SLC29A1: variants seen among roughly 807,000 people sequenced by gnomAD.
SLC29A1 encodes equilibrative nucleoside transporter 1.
In SLC29A1, 22 loss-of-function variants were observed where a neutral mutation model predicts 48.3. That is an observed-to-expected ratio of 0.46 (90% CI 0.33 to 0.65). SLC29A1 has a LOEUF of 0.65. SLC29A1 is among the 30% of genes least tolerant of loss of function. SLC29A1 has a pLI of 0.03. For missense variants in SLC29A1, 491 were observed against 575.3 expected, an observed-to-expected ratio of 0.85 and a Z score of 1.50; for synonymous variants, 228 against 231.0, an observed-to-expected ratio of 0.99 and a Z score of 0.12.
Position 44,233,515 on chromosome 6 carries a change from G to C in SLC29A1, c.1358G>C (p.Arg453Pro), listed in dbSNP as rs370351994. ...ALGAVFSFLF[R>P]AIV ...GGGGCTGTTTTCTCCTTCCTGTTCC[G>C]GGCAATTGTGTGACAAAGGATGGAC... The change falls in exon 13 of 13, where the codon CGG becomes CCG. Residue 453 changes from arginine (R) to proline (P), a missense_variant. Coordinates refer to ENST00000371755, the MANE Select transcript of SLC29A1 (RefSeq NM_001372327.1). 2 of 1,613,618 alleles carry C rather than the reference G, an allele frequency of 1.2e-6. No individual in the cohort carries two copies. The highest frequency in any genetic ancestry group is 1.7e-6 in the Non-Finnish European group (2 of 1,179,544).
Position 44,231,437 on chromosome 6 carries a change from C to T in SLC29A1, c.840C>T (p.His280=), listed in dbSNP as rs1008446994. The change falls in exon 9 of 13, where the codon CAC becomes CAT. Residue 280 remains histidine (H), a synonymous_variant. Coordinates refer to ENST00000371755, the MANE Select transcript of SLC29A1 (RefSeq NM_001372327.1). Reference sequence around the variant, plus strand: ...ACTCTCAGCCCACCAATGAAAGCCACTCTATCAAAGCCATCCTGAAAAATG... The same window carrying T: ...ACTCTCAGCCCACCAATGAAAGCCATTCTATCAAAGCCATCCTGAAAAATG... ...VSNSQPTNES[H]SIKAILKNIS... The T allele has an allele frequency of 1.9e-6, 3 of 1,606,448 alleles. No individual in the cohort carries two copies. Among genetic ancestry groups the T allele is most frequent in the Admixed American group, 3.4e-5 (2 of 59,444 alleles).
At chr6:44,221,735 A>G (rs748553648), upstream of SLC29A1, 1 of 981,666 alleles carries the variant, frequency 1.0e-6, no homozygotes, top group South Asian at 1.3e-5. This position sits in a 1 kb window ranked among gnomAD's most constrained non-coding sequence, Gnocchi z 4.2. Flanking sequence ...GCACCCAGCA[A>G]CCTCTGCTTG....
upstream of SLC29A1, chr6:44,221,494 T>C: frequency 1.8e-6 from 1 of 561,066 alleles, no homozygotes. This position sits in a 1 kb window ranked among gnomAD's most constrained non-coding sequence, Gnocchi z 4.2. Flanking sequence ...GGAGGGAGTC[T>C]GGGCCAAGCC....
At chr6:44,231,089 T>A (rs1450707339) in intron 8 of SLC29A1, among the ~76,000 whole-genome samples, 200 bp downstream of exon 8, 1 of 152,120 alleles carries the variant, frequency 6.6e-6, no homozygotes, top group Non-Finnish European at 1.5e-5. Flanking sequence ...CTGGATGACC[T>A]TGAATGCCTG....
rs1291492653 is a variant in SLC29A1 at position 44,231,435 on chromosome 6, C to G, written c.838C>G (p.His280Asp). Reference sequence around the variant, plus strand: ...CAACTCTCAGCCCACCAATGAAAGCCACTCTATCAAAGCCATCCTGAAAAA... The same window carrying G: ...CAACTCTCAGCCCACCAATGAAAGCGACTCTATCAAAGCCATCCTGAAAAA... The part of the protein sequence containing the change: ...VSNSQPTNES[H>D]SIKAILKNIS... The change falls in exon 9 of 13, where the codon CAC becomes GAC. Residue 280 changes from histidine (H) to aspartate (D), a missense_variant. By Grantham distance (81) the His-to-Asp change is moderately conservative (BLOSUM62 -1). Coordinates refer to ENST00000371755, the MANE Select transcript of SLC29A1 (RefSeq NM_001372327.1). 6.2e-7 allele frequency: 1 copy of G among 1,606,794 alleles called. No homozygotes were observed.
chr6:44,224,002 G>A, intron 1 of SLC29A1: 2 of 941,512 alleles, frequency 2.1e-6, no homozygotes. Flanking sequence ...TGGCGGAGGG[G>A]TATGGGGATG....
rs1009568144 is a variant in SLC29A1 at position 44,230,791 on chromosome 6, C to T, written c.688-20C>T. ...GATTCTGCCTCTAAATCCACCTCCC[C>T]CGTCTCCCTTACTTGATAGGAATTC... is the stretch of plus-strand genomic sequence containing the variant. On this transcript the variant is annotated intron_variant, in intron 7 of 12. Coordinates refer to ENST00000371755, the MANE Select transcript of SLC29A1 (RefSeq NM_001372327.1). 6.2e-7 allele frequency: 1 copy of T among 1,609,100 alleles called. No homozygotes were observed. The highest frequency in any genetic ancestry group is 8.5e-7 in the Non-Finnish European group (1 of 1,175,424).
chr6:44,232,455 C>G lies in SLC29A1; in HGVS notation c.1059+27C>G. On this transcript the variant is annotated intron_variant, in intron 11 of 12. Coordinates refer to ENST00000371755, the MANE Select transcript of SLC29A1 (RefSeq NM_001372327.1). The surrounding 1 kb of genome is among the most constrained non-coding windows in gnomAD (Gnocchi z 4.7). Reference sequence around the variant, plus strand: ...TAAGTGGAGGAAGAGGGCCCCAGGCCCCTGTGGGAAGTAAGAGTCCAGCCT... The same window carrying G: ...TAAGTGGAGGAAGAGGGCCCCAGGCGCCTGTGGGAAGTAAGAGTCCAGCCT... 3 of 1,503,974 alleles carry G rather than the reference C, an allele frequency of 2.0e-6. No homozygotes were observed. In the South Asian group the frequency reaches 3.4e-5, roughly 17 times the overall value. The allele number at this position is 1,503,974 out of a possible 1,614,324, so 93.2% of individuals were successfully genotyped here.
At chr6:44,224,045 CAGG>C in intron 1 of SLC29A1, 2 of 27,512 alleles carry the variant, frequency 7.3e-5, no homozygotes, top group East Asian at 1.5e-3. Flanking sequence ...AGCGGAGGTG[CAGG>C]CTCGCGAGCG....
chr6:44,221,496 G>A, upstream of SLC29A1: 11 of 589,536 alleles, frequency 1.9e-5, 1 homozygote, highest in South Asian at 1.8e-4. This position sits in a 1 kb window ranked among gnomAD's most constrained non-coding sequence, Gnocchi z 4.2. Flanking sequence ...AGGGAGTCTG[G>A]GCCAAGCCAC....
At chr6:44,219,844 C>G (rs996757112), upstream of SLC29A1, 2 of 1,069,720 alleles carry the variant, frequency 1.9e-6, no homozygotes, top group Non-Finnish European at 2.5e-6. Flanking sequence ...AGGTCTGCGC[C>G]GTTCTCACGC....
rs746828442 is a variant in SLC29A1, at chr6:44,229,550, G to A, written c.112-39G>A. 62 of 1,609,278 alleles carry A rather than the reference G, an allele frequency of 3.9e-5. No individual in the cohort carries two copies. Among genetic ancestry groups the A allele is most frequent in the Non-Finnish European group, 5.3e-5 (62 of 1,175,716 alleles). On this transcript the variant is annotated intron_variant, in intron 3 of 12. Coordinates refer to ENST00000371755, the MANE Select transcript of SLC29A1 (RefSeq NM_001372327.1). This position sits in a 1 kb window ranked among gnomAD's most constrained non-coding sequence, Gnocchi z 5.1. The stretch of plus-strand genomic sequence containing the variant: ...TCTGACTCTGTGCTGGTAGGCACAG[G>A]GAAAGAGATTTCAACACTCCTCTCT...
At chr6:44,226,527 A>G (rs1777560721) in intron 1 of SLC29A1, 2 of 157,086 alleles carry the variant, frequency 1.3e-5, no homozygotes, top group South Asian at 2.0e-4. Context: ...CTGTGCCCCC[A>G]CATCCATTAT....
chr6:44,221,830 C>G (rs2128336257), upstream of SLC29A1: 1 of 373,064 alleles, frequency 2.7e-6, no homozygotes, highest in African/African-American at 2.1e-5. The surrounding 1 kb of genome is among the most constrained non-coding windows in gnomAD (Gnocchi z 4.2). Flanking sequence ...CAATAACAGC[C>G]CTGGCTGTTG....
rs566098876 is a variant in SLC29A1, at chr6:44,223,650, C to G, written c.-52+9C>G. On this transcript the variant is annotated intron_variant, in intron 1 of 12. Coordinates refer to ENST00000371755, the MANE Select transcript of SLC29A1 (RefSeq NM_001372327.1). This position sits in a 1 kb window ranked among gnomAD's most constrained non-coding sequence, Gnocchi z 5.0. ...CAGTGCTTCTGCGGCAGGTGCTGCC[C>G]GGGGCCGGGGACTGGGGACTGGGGA... 72 of 1,199,122 alleles carry G rather than the reference C, an allele frequency of 6.0e-5. No homozygotes were observed. The highest frequency in any genetic ancestry group is 7.4e-5 in the Non-Finnish European group (70 of 942,970). The allele number at this position is 1,199,122 out of a possible 1,614,324, so 74.3% of individuals were successfully genotyped here.
chr6:44,228,197 G>C (rs1777995046), intron 2 of SLC29A1, among the ~76,000 whole-genome samples: 1 of 152,160 alleles, frequency 6.6e-6, no homozygotes, highest in South Asian at 2.1e-4. Flanking sequence ...CCATTCCCAG[G>C]CTGCCTGCCC....
In SLC29A1 at chr6:44,230,904, AGGAAGCTGG is replaced by A. The variant is rs1240326137; in HGVS notation, c.766+18_766+26del. The A allele has an allele frequency of 3.7e-6, 6 of 1,607,514 alleles. No individual in the cohort carries two copies. Among genetic ancestry groups the A allele is most frequent in the Middle Eastern group, 3.3e-4 (2 of 5,990 alleles). On this transcript the variant is annotated intron_variant, in intron 8 of 12. Coordinates refer to ENST00000371755, the MANE Select transcript of SLC29A1 (RefSeq NM_001372327.1). ...CATTAGCAAAGGTCCGAAGAGCCTG[AGGAAGCTGG>A]GGTGGAGGATGGTATACCAGGCGGG... is the stretch of plus-strand genomic sequence containing the variant.
At chr6:44,223,252 C>T (rs138690173), upstream of SLC29A1, among the ~76,000 whole-genome samples, 584 of 151,792 alleles carry the variant, frequency 3.8e-3, 3 homozygotes, top group Non-Finnish European at 5.9e-3. This position sits in a 1 kb window ranked among gnomAD's most constrained non-coding sequence, Gnocchi z 5.0. Flanking sequence ...GTCTGAGCAG[C>T]GGGTGTGTAA....
chr6:44,232,541 A>G lies in SLC29A1; in HGVS notation c.1059+113A>G. 1 of 751,144 alleles carries G rather than the reference A, an allele frequency of 1.3e-6. No individual in the cohort carries two copies. The highest frequency in any genetic ancestry group is 2.3e-6 in the Non-Finnish European group (1 of 441,422). The allele number at this position is 751,144 out of a possible 1,614,324, so 46.5% of individuals were successfully genotyped here. On this transcript the variant is annotated intron_variant, in intron 11 of 12. Coordinates refer to ENST00000371755, the MANE Select transcript of SLC29A1 (RefSeq NM_001372327.1). The surrounding 1 kb of genome is among the most constrained non-coding windows in gnomAD (Gnocchi z 4.7). ...AAGGGGACCATTTGTTTTAAAGTCG[A>G]GGCATAATTTATGTATAGTTAAGTA...
Sources: gnomAD v4.1 joint callset for allele counts (sites outside exome capture counted in the v4.1 genomes callset) on GRCh38, gnomAD v4.1.1 for gene constraint, Gnocchi (gnomAD v3.1) non-coding constraint, MANE v1.5 for transcripts, NCBI Gene and HGNC (gene_info 2026-07-23, HGNC 2026-07-21) for gene names.